ASIC2: variants seen among roughly 807,000 people sequenced by gnomAD.
The protein encoded by ASIC2 is acid-sensing ion channel 2.
In ASIC2, 25 loss-of-function variants were observed where a neutral mutation model predicts 57.3. The ratio of observed to expected loss-of-function variants is 0.44; its 90% CI spans 0.32 to 0.61. The LOEUF is 0.61. Ranked by LOEUF, ASIC2 falls within the 20% of genes least tolerant of loss-of-function variation. The probability of loss-of-function intolerance (pLI) is 0.06; values close to 1 mark genes in which losing one functional copy is unlikely to be tolerated. For missense variants in ASIC2, 641 were observed against 738.1 expected (o/e 0.87, Z 1.52); for synonymous variants, 319 against 307.5 (o/e 1.04, Z -0.39).
chr17:33,496,740 C>T (rs1223959317), intron 1 of ASIC2, among the ~76,000 whole-genome samples: 1 of 151,422 alleles, frequency 6.6e-6, no homozygotes, highest in Non-Finnish European at 1.5e-5. Context: ...ACCTCAGCTC[C>T]CCAAGTAGCT....
intron 1 of ASIC2, among the ~76,000 whole-genome samples, chr17:33,382,613 A>G (rs1307896984): frequency 6.6e-6 from 1 of 152,244 alleles, no homozygotes; most frequent in Admixed American, 6.5e-5. Context: ...ACTGTGCTGC[A>G]TAATCCACAA....
At chr17:33,053,222 C>T (rs2091984375) in intron 3 of ASIC2, among the ~76,000 whole-genome samples, 1 of 152,184 alleles carries the variant, frequency 6.6e-6, no homozygotes, top group South Asian at 2.1e-4. Context: ...AATTATCCAA[C>T]TCAAGAAAAT....
intron 1 of ASIC2, among the ~76,000 whole-genome samples, chr17:33,492,849 C>T (rs763179812): frequency 6.6e-6 from 1 of 152,168 alleles, no homozygotes; most frequent in Non-Finnish European, 1.5e-5. Flanking sequence ...GAAAGCTGCC[C>T]AGATAGCTAC....
intron 2 of ASIC2, among the ~76,000 whole-genome samples, chr17:33,093,233 G>A (rs536306882): frequency 2.0e-5 from 3 of 152,312 alleles, no homozygotes; most frequent in East Asian, 3.9e-4. Context: ...AACCAAGTGA[G>A]TGGCCCTTCT....
intron 1 of ASIC2, among the ~76,000 whole-genome samples, chr17:33,182,196 G>A (rs753034990): frequency 1.4e-4 from 21 of 152,144 alleles, no homozygotes; most frequent in Non-Finnish European, 1.3e-4. Context: ...AGGAGAAGTG[G>A]TCAGTGAACA....
chr17:33,291,915 G>T lies in ASIC2; in HGVS notation c.201C>A (p.His67Gln). ...GRPSLSRAKL[H>Q]GLRHMCAGRT... Reference sequence around the variant, plus strand: ...GCCCGGCACACATGTGCCGCAGCCCGTGCAGTTTAGCGCGGCTCAGCGATG... The same window carrying T: ...GCCCGGCACACATGTGCCGCAGCCCTTGCAGTTTAGCGCGGCTCAGCGATG... The change falls in exon 1 of 10, where the codon CAC (histidine) becomes CAA (glutamine). Residue 67 changes from histidine (H) to glutamine (Q), a missense_variant. Transcript: ENST00000225823. 1.3e-6 allele frequency: 2 copies of T among 1,590,340 alleles called. No individual in the cohort carries two copies. The highest frequency in any genetic ancestry group is 1.7e-6 in the Non-Finnish European group (2 of 1,174,162).
Position 33,013,742 on chromosome 17 carries a change from A to G in ASIC2, c.*223T>C, listed in dbSNP as rs2091790620. 3 of 581,370 alleles carry G rather than the reference A, an allele frequency of 5.2e-6. No homozygotes were observed. The highest frequency in any genetic ancestry group is 9.3e-6 in the Non-Finnish European group (3 of 323,750). The allele number at this position is 581,370 out of a possible 1,614,324, so 36.0% of individuals were successfully genotyped here. A position where few individuals can be genotyped will look rare whatever the true frequency, so the allele number is the denominator to read the frequency against. Reference sequence around the variant, plus strand: ...CAGGTTCGTTCTTGGACAGTTCCAGAGTGTGACTCATCTCTCCTAAGAGGG... The same window carrying G: ...CAGGTTCGTTCTTGGACAGTTCCAGGGTGTGACTCATCTCTCCTAAGAGGG... On this transcript the variant is annotated 3_prime_UTR_variant, in exon 10 of 10. Transcript: ENST00000225823.
chr17:33,936,897 T>G (rs1025318410), intron 1 of ASIC2: 6 of 152,244 alleles, frequency 3.9e-5, no homozygotes, highest in African/African-American at 1.2e-4. Flanking sequence ...GAAATGGCTG[T>G]CTGTTAAGGC....
chr17:33,032,047 C>T (rs73273992), intron 3 of ASIC2, among the ~76,000 whole-genome samples: 1,581 of 152,182 alleles, frequency 0.01, 34 homozygotes, highest in African/African-American at 0.037. Context: ...AGTGTTGTAT[C>T]TTATCCTGTC....
chr17:33,648,751 A>G (rs563574508), intron 1 of ASIC2, among the ~76,000 whole-genome samples: 2 of 152,246 alleles, frequency 1.3e-5, no homozygotes, highest in Non-Finnish European at 2.9e-5. Flanking sequence ...ATTCATCCAC[A>G]TAACTGTGGT....
chr17:34,127,221 CT>C (rs1343519256), intron 1 of ASIC2, among the ~76,000 whole-genome samples: 4 of 152,150 alleles, frequency 2.6e-5, no homozygotes, highest in African/African-American at 9.7e-5. Context: ...AGCATCGGGG[CT>C]TTTCAAACTA....
At chr17:33,899,675 C>T (rs989498048) in intron 1 of ASIC2, among the ~76,000 whole-genome samples, 1 of 152,176 alleles carries the variant, frequency 6.6e-6, no homozygotes, top group African/African-American at 2.4e-5. Context: ...GTATGAGATA[C>T]ACAAAGGGAC....
chr17:34,155,647 C>T (rs909218648), intron 1 of ASIC2: 5 of 312,172 alleles, frequency 1.6e-5, no homozygotes, highest in Non-Finnish European at 3.0e-5. Flanking sequence ...TCACACAGCT[C>T]GGACACCAAG....
intron 1 of ASIC2, among the ~76,000 whole-genome samples, chr17:33,361,694 A>T (rs1908612943): frequency 6.6e-6 from 1 of 152,238 alleles, no homozygotes. Flanking sequence ...ACCGAAGGTC[A>T]TACTGATGAT....
chr17:33,650,118 A>G (rs896053655), intron 1 of ASIC2, among the ~76,000 whole-genome samples: 5 of 152,232 alleles, frequency 3.3e-5, no homozygotes, highest in Admixed American at 3.3e-4. Context: ...TGGAATATAT[A>G]AAGAACTCTC....
rs181979690 is a variant in ASIC2 at position 33,594,206 on chromosome 17, C to G, written c.556-482139G>C. 2.0e-5 allele frequency among the ~76,000 whole-genome samples: 3 copies of G among 152,238 alleles called. No homozygotes were observed. The East Asian group carries it at 5.8e-4, about 29-fold the overall frequency. On this transcript the variant is annotated intron_variant, in intron 1 of 9. Coordinates refer to the ASIC2 transcript ENST00000359872. Reference sequence around the variant, plus strand: ...GTGCTGGCATTCTGCCCTATTCTGACGTAGGCCATCTATCAGATGGCTGAC... The same window carrying G: ...GTGCTGGCATTCTGCCCTATTCTGAGGTAGGCCATCTATCAGATGGCTGAC...
intron 1 of ASIC2, among the ~76,000 whole-genome samples, chr17:33,970,648 G>C (rs1737904432): frequency 6.6e-6 from 1 of 152,194 alleles, no homozygotes; most frequent in Non-Finnish European, 1.5e-5. Flanking sequence ...ACAGACCCAG[G>C]GAGATTTAAG....
chr17:33,490,960 G>A (rs1393402106), intron 1 of ASIC2, among the ~76,000 whole-genome samples: 2 of 152,080 alleles, frequency 1.3e-5, no homozygotes, highest in African/African-American at 4.8e-5. Flanking sequence ...CCTGAATTCA[G>A]AATACCTTTG....
At chr17:33,116,778 G>A (rs185838602) in intron 1 of ASIC2, among the ~76,000 whole-genome samples, 31 of 152,206 alleles carry the variant, frequency 2.0e-4, no homozygotes, top group African/African-American at 4.8e-4. Context: ...CTTTGAAGAT[G>A]GAGGAAAGGA....
Sources: gnomAD v4.1 joint callset for allele counts (sites outside exome capture counted in the v4.1 genomes callset) on GRCh38, gnomAD v4.1.1 for gene constraint, MANE v1.5 for transcripts, NCBI Gene and HGNC (gene_info 2026-07-23, HGNC 2026-07-21) for gene names.